MDGA2: variants seen among roughly 807,000 people sequenced by gnomAD.
MDGA2 encodes MAM domain containing glycosylphosphatidylinositol anchor 2.
A neutral mutation model predicts 117.8 loss-of-function variants in MDGA2; 40 were observed. That is an observed-to-expected ratio of 0.34 (90% CI 0.26 to 0.44). The LOEUF is 0.44. MDGA2 is among the 20% of genes least tolerant of loss of function. The probability of loss-of-function intolerance (pLI) is 1.00; values close to 1 mark genes in which losing one functional copy is unlikely to be tolerated. For synonymous variants in MDGA2, 452 were observed against 439.0 expected (o/e 1.03, Z -0.37); for missense variants, 1,123 against 1,250.6 (o/e 0.90, Z 1.54).
intron 2 of MDGA2, among the ~76,000 whole-genome samples, chr14:47,272,907 T>A (rs1329984159): frequency 6.6e-6 from 1 of 152,140 alleles, no homozygotes. Context: ...AGGTAATTGG[T>A]TACTATAAAA....
intron 2 of MDGA2, among the ~76,000 whole-genome samples, chr14:47,295,798 G>A (rs1040353848): frequency 1.3e-5 from 2 of 152,244 alleles, no homozygotes; most frequent in East Asian, 3.9e-4. Context: ...CAGCTACTCA[G>A]TAGACTGAGG....
intron 9 of MDGA2, among the ~76,000 whole-genome samples, chr14:46,923,548 T>G (rs969064328): frequency 2.6e-5 from 4 of 152,080 alleles, no homozygotes; most frequent in Admixed American, 1.3e-4. Flanking sequence ...TTTTAGATGG[T>G]GCATAAATAG....
At chr14:47,395,569 T>C (rs898921220) in intron 1 of MDGA2, among the ~76,000 whole-genome samples, 2 of 152,168 alleles carry the variant, frequency 1.3e-5, no homozygotes, top group African/African-American at 4.8e-5. Context: ...TGGAAAATGA[T>C]GTTATTCAAT....
intron 8 of MDGA2, among the ~76,000 whole-genome samples, chr14:46,964,918 A>ATTTTTTTTTTT (rs1566549134): frequency 3.0e-4 from 29 of 95,310 alleles, no homozygotes; most frequent in South Asian, 1.2e-3. Flanking sequence ...ATATATATTT[A>ATTTTTTTTTTT]CTTTTTTTTT....
At chr14:47,241,054 A>C (rs1041782977) in intron 2 of MDGA2, among the ~76,000 whole-genome samples, 1 of 151,846 alleles carries the variant, frequency 6.6e-6, no homozygotes, top group Non-Finnish European at 1.5e-5. Flanking sequence ...GAGGGTTTTC[A>C]TGTTCTGCTT....
chr14:47,285,725 G>A (rs1888648346), intron 2 of MDGA2, among the ~76,000 whole-genome samples: 1 of 152,094 alleles, frequency 6.6e-6, no homozygotes, highest in Non-Finnish European at 1.5e-5. Context: ...AGGCATTGAG[G>A]TATATGGCTT....
intron 1 of MDGA2, among the ~76,000 whole-genome samples, chr14:47,523,868 C>T (rs1894920435): frequency 6.6e-6 from 1 of 152,156 alleles, no homozygotes; most frequent in African/African-American, 2.4e-5. Flanking sequence ...CCTTCAGCAG[C>T]TTGCAAGTTG....
intron 1 of MDGA2, among the ~76,000 whole-genome samples, chr14:47,321,245 T>A (rs1251687218): frequency 6.6e-6 from 1 of 152,220 alleles, no homozygotes; most frequent in Non-Finnish European, 1.5e-5. Flanking sequence ...GATTCTCTTA[T>A]GTGGCAGACC....
chr14:47,312,961 C>CA (rs1889691648), intron 1 of MDGA2, among the ~76,000 whole-genome samples: 1 of 149,328 alleles, frequency 6.7e-6, no homozygotes, highest in African/African-American at 2.5e-5. Flanking sequence ...TTCTCTAATA[C>CA]AAACTGCTAA....
intron 14 of MDGA2, among the ~76,000 whole-genome samples, chr14:46,859,668 A>C (rs1216880499): frequency 1.3e-5 from 2 of 152,078 alleles, no homozygotes; most frequent in Non-Finnish European, 2.9e-5. Flanking sequence ...TCTCTAAAAA[A>C]TGGTTTCTAA....
chr14:47,404,602 C>T (rs1594840636), intron 1 of MDGA2, among the ~76,000 whole-genome samples: 2 of 152,146 alleles, frequency 1.3e-5, no homozygotes, highest in South Asian at 4.1e-4. Context: ...TCCAGTGATT[C>T]TCTTACCTCA....
intron 5 of MDGA2, among the ~76,000 whole-genome samples, chr14:47,106,635 T>C (rs1880701418): frequency 6.6e-6 from 1 of 152,042 alleles, no homozygotes; most frequent in Non-Finnish European, 1.5e-5. Context: ...TCCCAGATCT[T>C]CTCGGCTTAG....
Position 47,159,549 on chromosome 14 carries a change from T to A in MDGA2, c.596-15275A>T, listed in dbSNP as rs142866906. ...GTTGTATCGAATTTTGCCTGATTGC[T>A]TTCCAAAAGGAATGTACATTTCACC... On this transcript the variant is annotated intron_variant, in intron 3 of 16. Transcript: ENST00000399232. Among the ~76,000 whole-genome samples, 267 of 152,328 alleles carry A rather than the reference T, an allele frequency of 1.8e-3. 3 individuals are homozygous for A. The highest frequency in any genetic ancestry group is 0.014 in the Middle Eastern group (4 of 294).
intron 1 of MDGA2, among the ~76,000 whole-genome samples, chr14:47,361,373 T>A (rs1228442496): frequency 6.6e-6 from 1 of 152,006 alleles, no homozygotes; most frequent in Non-Finnish European, 1.5e-5. Flanking sequence ...AGCACCTTGA[T>A]CTTGGACTTC....
chr14:46,960,698 TAC>T (rs1885762541), intron 8 of MDGA2, among the ~76,000 whole-genome samples: 1 of 150,678 alleles, frequency 6.6e-6, no homozygotes, highest in African/African-American at 2.5e-5. Context: ...TGTGTATATA[TAC>T]ACATATATGT....
At chr14:47,496,585 G>A (rs1250443013) in intron 1 of MDGA2, among the ~76,000 whole-genome samples, 1 of 151,870 alleles carries the variant, frequency 6.6e-6, no homozygotes, top group Admixed American at 6.6e-5. Flanking sequence ...TTAACTTTCA[G>A]TTGTGGAAAA....
intron 9 of MDGA2, among the ~76,000 whole-genome samples, chr14:46,930,419 T>TAA (rs202087967): frequency 5.3e-5 from 8 of 151,620 alleles, no homozygotes; most frequent in African/African-American, 1.9e-4. Flanking sequence ...CCAACATCAG[T>TAA]AAAAAAAACA....
In MDGA2 at chr14:47,459,196, A is replaced by G. The variant is rs1893428318; in HGVS notation, c.281-157646T>C. ...ATGTCTTTGAATTGTTGACTTACTG[A>G]TGATGGGTGAAAGGAAAACGACTCT... On this transcript the variant is annotated intron_variant, in intron 1 of 16. Transcript: ENST00000399232. 3.3e-5 allele frequency among the ~76,000 whole-genome samples: 5 copies of G among 150,632 alleles called. No individual in the cohort carries two copies. The South Asian group carries it at 1.1e-3, about 33-fold the overall frequency.
intron 1 of MDGA2, among the ~76,000 whole-genome samples, chr14:47,521,356 C>T (rs570016444): frequency 2.0e-5 from 3 of 152,262 alleles, no homozygotes; most frequent in African/African-American, 7.2e-5. Flanking sequence ...TTAACAAGAA[C>T]ATTTACCAGG....
Sources: allele counts gnomAD v4.1 joint callset (sites outside exome capture counted in the v4.1 genomes callset), GRCh38; gene constraint gnomAD v4.1.1; transcripts MANE v1.5; gene names NCBI Gene and HGNC (gene_info 2026-07-23, HGNC 2026-07-21).